The following PRR16 variants were observed in gnomAD, a reference collection of about 807,000 sequenced individuals.
The protein encoded by PRR16 is protein Largen.
Under a neutral mutation model 18.2 loss-of-function variants are expected in PRR16, and 6 were observed. The observed-to-expected ratio is 0.33, with a 90% confidence interval of 0.18 to 0.65. PRR16 has a LOEUF of 0.65. Among genes scored for constraint, PRR16 ranks in the 30% least tolerant of loss-of-function variants. The pLI is 0.74. For synonymous variants in PRR16, 151 were observed against 147.8 expected, an observed-to-expected ratio of 1.02 and a Z score of -0.16; for missense variants, 412 against 376.6, an observed-to-expected ratio of 1.09 and a Z score of -0.78.
At chr5:120,551,377 A>G (rs906025625) in intron 1 of PRR16, among the ~76,000 whole-genome samples, 1 of 151,998 alleles carries the variant, frequency 6.6e-6, no homozygotes, top group African/African-American at 2.4e-5. Context: ...GATGAGCTTA[A>G]GTTAAAATGC....
At chr5:120,543,312 G>A (rs996272606) in intron 1 of PRR16, among the ~76,000 whole-genome samples, 1 of 152,254 alleles carries the variant, frequency 6.6e-6, no homozygotes, top group East Asian at 1.9e-4. Context: ...GTGGCATTTG[G>A]TGAGCATATC....
At chr5:120,576,510 G>C (rs576097353) in intron 1 of PRR16, among the ~76,000 whole-genome samples, 2 of 152,238 alleles carry the variant, frequency 1.3e-5, no homozygotes, top group South Asian at 4.2e-4. Flanking sequence ...TAAAATTAAA[G>C]ATAACAGGTG....
chr5:120,466,340 C>A (rs1749079226), intron 1 of PRR16, among the ~76,000 whole-genome samples: 1 of 152,102 alleles, frequency 6.6e-6, no homozygotes, highest in African/African-American at 2.4e-5. Context: ...CAGAATTGTG[C>A]TTAATAGTTG....
chr5:120,764,887 T>C, the PRR16 span, among the ~76,000 whole-genome samples: 1 of 152,034 alleles, frequency 6.6e-6, no homozygotes, highest in East Asian at 1.9e-4. Flanking sequence ...ACCTTTCTCA[T>C]CATACAACAA....
chr5:120,542,398 A>T (rs572530267), intron 1 of PRR16, among the ~76,000 whole-genome samples: 10 of 152,276 alleles, frequency 6.6e-5, no homozygotes, highest in African/African-American at 2.2e-4. Context: ...GGGAGTACCT[A>T]TATACTCTTC....
intron 1 of PRR16, among the ~76,000 whole-genome samples, chr5:120,628,292 ATATT>A (rs1754932863): frequency 6.6e-6 from 1 of 152,050 alleles, no homozygotes; most frequent in African/African-American, 2.4e-5. Flanking sequence ...TTTTCTAGTT[ATATT>A]TATTTATTTT....
At chr5:120,689,382 A>C (rs962553828), downstream of PRR16, among the ~76,000 whole-genome samples, 21 of 152,172 alleles carry the variant, frequency 1.4e-4, no homozygotes, top group African/African-American at 4.8e-4. Context: ...CATAAGTGGC[A>C]GCACAGTTTT....
chr5:120,560,443 G>T (rs1752540874), intron 1 of PRR16, among the ~76,000 whole-genome samples: 1 of 151,694 alleles, frequency 6.6e-6, no homozygotes, highest in Admixed American at 6.6e-5. Context: ...CACACTGATT[G>T]ATTTGCACAC....
intron 1 of PRR16, among the ~76,000 whole-genome samples, chr5:120,661,793 C>T (rs142290992): frequency 1.9e-3 from 283 of 152,120 alleles, no homozygotes; most frequent in African/African-American, 6.4e-3. Context: ...CGCTACAGTA[C>T]CCAAGACCCT....
intron 1 of PRR16, among the ~76,000 whole-genome samples, chr5:120,659,916 G>A (rs568261589): frequency 6.6e-6 from 1 of 152,108 alleles, no homozygotes; most frequent in African/African-American, 2.4e-5. Flanking sequence ...TACTGAGCAG[G>A]TTGCTGAAGT....
chr5:120,597,604 C>A (rs1398558880), intron 1 of PRR16, among the ~76,000 whole-genome samples: 1 of 151,718 alleles, frequency 6.6e-6, no homozygotes, highest in Non-Finnish European at 1.5e-5. Context: ...CATCAGGTCC[C>A]TATCAGTATG....
At chr5:120,737,492 A>G in the PRR16 span, among the ~76,000 whole-genome samples, 1 of 151,730 alleles carries the variant, frequency 6.6e-6, no homozygotes, top group Non-Finnish European at 1.5e-5. Flanking sequence ...CTATTTGATC[A>G]TAGTGTATAA....
chr5:120,641,004 T>A (rs752221309), intron 1 of PRR16, among the ~76,000 whole-genome samples: 17 of 151,994 alleles, frequency 1.1e-4, no homozygotes, highest in Non-Finnish European at 1.8e-4. Context: ...GAAGAGGCGA[T>A]TGTAAGGCCT....
intron 1 of PRR16, among the ~76,000 whole-genome samples, chr5:120,605,257 T>C (rs563246902): frequency 6.6e-6 from 1 of 152,198 alleles, no homozygotes; most frequent in Non-Finnish European, 1.5e-5. Context: ...AAAATTTTTA[T>C]TTTTTTCTAC....
chr5:120,610,927 T>A (rs142350693), intron 1 of PRR16, among the ~76,000 whole-genome samples: 3,077 of 152,232 alleles, frequency 0.02, 108 homozygotes, highest in African/African-American at 0.069. Flanking sequence ...GTGGGAAAGT[T>A]TGGAACTTCC....
chr5:120,608,100 G>A (rs1754214544), intron 1 of PRR16, among the ~76,000 whole-genome samples: 1 of 152,182 alleles, frequency 6.6e-6, no homozygotes, highest in Admixed American at 6.5e-5. Flanking sequence ...GAAGAGGGGA[G>A]CATATTTTGG....
At chr5:120,588,948 G>A (rs565317602) in intron 1 of PRR16, among the ~76,000 whole-genome samples, 1 of 151,950 alleles carries the variant, frequency 6.6e-6, no homozygotes, top group Non-Finnish European at 1.5e-5. Context: ...CTAAAGCCCA[G>A]TTCTACCATT....
At chr5:120,741,784 A>G in the PRR16 span, among the ~76,000 whole-genome samples, 3 of 152,068 alleles carry the variant, frequency 2.0e-5, no homozygotes, top group Admixed American at 1.3e-4. Context: ...TATTTTTAGT[A>G]GAGACGGGTT....
chr5:120,495,234 T>C (rs1472386141), intron 1 of PRR16, among the ~76,000 whole-genome samples: 1 of 152,240 alleles, frequency 6.6e-6, no homozygotes, highest in Admixed American at 6.5e-5. Context: ...TCATGTTAGA[T>C]TTATTTCATT....
Sources: gnomAD v4.1 joint callset for allele counts (sites outside exome capture counted in the v4.1 genomes callset) on GRCh38, gnomAD v4.1.1 for gene constraint, MANE v1.5 for transcripts, NCBI Gene and HGNC (gene_info 2026-07-23, HGNC 2026-07-21) for gene names.